AGTR1: variants seen among roughly 807,000 people sequenced by gnomAD.
The protein encoded by AGTR1 is type-1 angiotensin II receptor.
A neutral mutation model predicts 19.4 loss-of-function variants in AGTR1; 16 were observed. The ratio of observed to expected loss-of-function variants is 0.82; its 90% CI spans 0.56 to 1.25. The LOEUF (loss-of-function observed/expected upper bound fraction) is 1.25, where lower values mean the gene tolerates loss of function less well. Among genes scored for constraint, AGTR1 ranks in the 50% most tolerant of loss-of-function variants. The probability of loss-of-function intolerance (pLI) is 0.00; values close to 1 mark genes in which losing one functional copy is unlikely to be tolerated. For missense variants in AGTR1, 373 were observed against 431.9 expected (o/e 0.86, Z 1.21); for synonymous variants, 153 against 154.9 (o/e 0.99, Z 0.09).
chr3:148,711,462 TAA>T (rs1712980117), intron 2 of AGTR1, among the ~76,000 whole-genome samples: 2 of 152,186 alleles, frequency 1.3e-5, no homozygotes, highest in African/African-American at 4.8e-5. Context: ...ATAAATAAAA[TAA>T]GTTTGGAACC....
intron 1 of AGTR1, among the ~76,000 whole-genome samples, chr3:148,702,373 C>G (rs1458119336): frequency 2.0e-5 from 3 of 152,148 alleles, no homozygotes; most frequent in African/African-American, 7.2e-5. Context: ...CTCTTATCTA[C>G]TTTGGAAAAT....
rs79710730 is a variant in AGTR1 at position 148,740,129 on chromosome 3, A to G, written c.-47-860A>G. Reference sequence around the variant, plus strand: ...GGCTTTGTGCAGCCCATTCTTGAGCATCTGATTCTCCCCAGAATTCTAAAA... The same window carrying G: ...GGCTTTGTGCAGCCCATTCTTGAGCGTCTGATTCTCCCCAGAATTCTAAAA... On this transcript the variant is annotated intron_variant, in intron 2 of 2. Coordinates refer to ENST00000349243, the MANE Select transcript of AGTR1 (RefSeq NM_000685.5). 4.0e-3 allele frequency among the ~76,000 whole-genome samples: 608 copies of G among 152,354 alleles called. 2 individuals are homozygous for G. The highest frequency in any genetic ancestry group is 0.014 in the African/African-American group (565 of 41,584).
At chr3:148,720,717 C>T (rs1713582573) in intron 2 of AGTR1, among the ~76,000 whole-genome samples, 1 of 77,442 alleles carries the variant, frequency 1.3e-5, no homozygotes, top group African/African-American at 1.6e-4. Context: ...TTTTTACTCA[C>T]GTTACTACTT....
At chr3:148,720,888 C>T (rs540721623) in intron 2 of AGTR1, among the ~76,000 whole-genome samples, 1 of 152,266 alleles carries the variant, frequency 6.6e-6, no homozygotes, top group Admixed American at 6.5e-5. Context: ...TTCTACTTCA[C>T]AGTTTAGTGA....
At position 148,741,977 on chromosome 3, in the gene AGTR1, C is replaced by T. The variant is rs146357970; in HGVS notation, c.942C>T (p.Leu314=). 38 of 1,613,352 alleles carry T rather than the reference C, an allele frequency of 2.4e-5. No homozygotes were observed. Among genetic ancestry groups the T allele is most frequent in the Non-Finnish European group, 2.5e-6 (3 of 1,179,918 alleles). ...GGAAAAAATTTAAAAGATATTTTCT[C>T]CAGCTTCTAAAATATATTCCCCCAA... The part of the protein sequence containing the change: ...FLGKKFKRYF[L]QLLKYIPPKA... The change falls in exon 3 of 3, where the codon CTC becomes CTT. Residue 314 remains leucine (L), a synonymous_variant. Transcript: ENST00000349243.
intron 2 of AGTR1, among the ~76,000 whole-genome samples, chr3:148,724,685 G>GTTCT (rs1173667035): frequency 6.6e-6 from 1 of 152,086 alleles, no homozygotes; most frequent in South Asian, 2.1e-4. Context: ...TCAAAAGTCC[G>GTTCT]TAAGTTGCAG....
intron 2 of AGTR1, among the ~76,000 whole-genome samples, chr3:148,714,945 A>G (rs3772625): frequency 0.29 from 43,961 of 152,000 alleles, 9,420 homozygotes; most frequent in African/African-American, 0.61. Context: ...TTGCCCTTTT[A>G]GATAAATACA....
chr3:148,719,521 C>T (rs779425929), intron 2 of AGTR1, among the ~76,000 whole-genome samples: 2 of 152,176 alleles, frequency 1.3e-5, no homozygotes, highest in African/African-American at 2.4e-5. Context: ...GGCTTTGCTT[C>T]CTTTGTACTC....
chr3:148,726,996 T>C (rs1713982679), intron 2 of AGTR1, among the ~76,000 whole-genome samples: 1 of 152,176 alleles, frequency 6.6e-6, no homozygotes, highest in Non-Finnish European at 1.5e-5. Flanking sequence ...TATAAGAAAT[T>C]TGTAGGGAAA....
chr3:148,708,139 G>T (rs1336340257), intron 2 of AGTR1, 112 bp downstream of exon 2: 1 of 152,050 alleles, frequency 6.6e-6, no homozygotes, highest in Non-Finnish European at 1.5e-5. Context: ...AAGAAGTAGA[G>T]GAAGCAGAAA....
intron 2 of AGTR1, chr3:148,730,362 G>T (rs1187633631): frequency 5.1e-6 from 2 of 389,318 alleles, no homozygotes; most frequent in Admixed American, 4.5e-5. Flanking sequence ...TTCCTGAGAA[G>T]GTATGAAGGT....
chr3:148,712,411 C>T (rs1437504635), intron 2 of AGTR1, among the ~76,000 whole-genome samples: 1 of 152,098 alleles, frequency 6.6e-6, no homozygotes, highest in Non-Finnish European at 1.5e-5. Flanking sequence ...TCCAAAGCAG[C>T]GTTCTTCCTC....
chr3:148,726,987 A>G (rs900867401), intron 2 of AGTR1, among the ~76,000 whole-genome samples: 1 of 152,198 alleles, frequency 6.6e-6, no homozygotes, highest in Non-Finnish European at 1.5e-5. Flanking sequence ...GAACTAGCCT[A>G]TAAGAAATTT....
At chr3:148,701,733 T>G (rs1247124824) in intron 1 of AGTR1, among the ~76,000 whole-genome samples, 1 of 152,130 alleles carries the variant, frequency 6.6e-6, no homozygotes, top group Non-Finnish European at 1.5e-5. Context: ...TTGTTTCCTA[T>G]TATTACAATG....
intron 2 of AGTR1, among the ~76,000 whole-genome samples, chr3:148,722,247 C>T (rs1559927455): frequency 6.6e-6 from 1 of 152,132 alleles, no homozygotes; most frequent in African/African-American, 2.4e-5. Flanking sequence ...GATTATTACA[C>T]TATTACATTA....
At chr3:148,739,110 A>G (rs12721283) in intron 2 of AGTR1, among the ~76,000 whole-genome samples, 12,004 of 152,208 alleles carry the variant, frequency 0.079, 1,611 homozygotes, top group African/African-American at 0.28. Flanking sequence ...TGTAATTCCA[A>G]CATTTTGGGA....
chr3:148,736,390 G>T (rs1459816290), intron 2 of AGTR1, among the ~76,000 whole-genome samples: 1 of 152,136 alleles, frequency 6.6e-6, no homozygotes, highest in Non-Finnish European at 1.5e-5. Context: ...GGAATTTTTA[G>T]ACTTTTAATG....
At chr3:148,699,913 A>G (rs559266708) in intron 1 of AGTR1, among the ~76,000 whole-genome samples, 59 of 152,010 alleles carry the variant, frequency 3.9e-4, no homozygotes, top group African/African-American at 1.4e-3. Context: ...CCATCATCCA[A>G]CTCAGAATAA....
rs1253752314 is a variant in AGTR1, at chr3:148,716,428, ACAAATACAGTTATTTATTTATAACTAGTG to A, written c.-48+8428_-48+8456del. Reference sequence around the variant, plus strand: ...TCAGGTCCTAAGGCTGGTTAATAGTACAAATACAGTTATTTATTTATAACTAGTGCAAATACAGTTATTTATTTATAACT... The same window carrying A: ...TCAGGTCCTAAGGCTGGTTAATAGTACAAATACAGTTATTTATTTATAACT... On this transcript the variant is annotated intron_variant, in intron 2 of 2. Coordinates refer to ENST00000349243, the MANE Select transcript of AGTR1 (RefSeq NM_000685.5). The surrounding 1 kb of genome is among the most constrained non-coding windows in gnomAD (Gnocchi z 4.7). 3.0e-4 allele frequency among the ~76,000 whole-genome samples: 45 copies of A among 151,244 alleles called. No homozygotes were observed. The highest frequency in any genetic ancestry group is 1.0e-4 in the Non-Finnish European group (7 of 68,026).
Sources: allele counts gnomAD v4.1 joint callset (sites outside exome capture counted in the v4.1 genomes callset), GRCh38; gene constraint gnomAD v4.1.1; non-coding constraint Gnocchi (gnomAD v3.1); transcripts MANE v1.5; gene names NCBI Gene and HGNC (gene_info 2026-07-23, HGNC 2026-07-21).